C3orf20: variants seen among roughly 807,000 people sequenced by gnomAD.
C3orf20 encodes family with sequence similarity 149 member C, also known as uncharacterized protein C3orf20.
In C3orf20, 76 loss-of-function variants were observed where a neutral mutation model predicts 88.3. That is an observed-to-expected ratio of 0.86 (90% confidence interval 0.72 to 1.04). The LOEUF (loss-of-function observed/expected upper bound fraction) is 1.04. Among genes scored for constraint, C3orf20 ranks in the 50% least tolerant of loss-of-function variants. C3orf20 has a pLI of 0.00. For missense variants in C3orf20, 1,056 were observed against 1,123.3 expected (o/e 0.94, Z 0.86); for synonymous variants, 436 against 437.4 (o/e 1.00, Z 0.04).
chr3:14,759,883 C>T lies in C3orf20; in HGVS notation c.2245-8C>T. ...GGGTGACCAGTTCTCATATTTCTCT[C>T]CTGGTAGTGCCGGTATGACTCCTAC... On this transcript the variant is annotated splice_polypyrimidine_tract_variant and splice_region_variant and intron_variant, in intron 13 of 16. Transcript: ENST00000253697. 1 of 1,609,246 alleles carries T rather than the reference C, an allele frequency of 6.2e-7. No individual in the cohort carries two copies. Among genetic ancestry groups the T allele is most frequent in the Non-Finnish European group, 8.5e-7 (1 of 1,175,586 alleles).
chr3:14,687,064 C>T (rs972078538), intron 4 of C3orf20, among the ~76,000 whole-genome samples: 9 of 152,148 alleles, frequency 5.9e-5, no homozygotes, highest in African/African-American at 1.2e-4. Flanking sequence ...CAGCACTAGC[C>T]GCCTGCCGCA....
intron 12 of C3orf20, among the ~76,000 whole-genome samples, chr3:14,750,457 A>G (rs1559439414): frequency 1.3e-5 from 2 of 152,028 alleles, no homozygotes; most frequent in Non-Finnish European, 2.9e-5. Context: ...TCAGGAGGCT[A>G]AGATGGGAGA....
At chr3:14,747,805 G>A (rs1424050837) in intron 12 of C3orf20, among the ~76,000 whole-genome samples, 2 of 151,808 alleles carry the variant, frequency 1.3e-5, no homozygotes, top group Non-Finnish European at 2.9e-5. Context: ...AAATGTTGAG[G>A]CTAGGAAGAC....
chr3:14,686,297 A>C (rs771757029), intron 4 of C3orf20, among the ~76,000 whole-genome samples: 1 of 152,176 alleles, frequency 6.6e-6, no homozygotes, highest in African/African-American at 2.4e-5. Context: ...CAATGAGCAT[A>C]GGAGCGTAGA....
intron 7 of C3orf20, among the ~76,000 whole-genome samples, chr3:14,705,987 G>A (rs994313995): frequency 6.6e-6 from 1 of 152,122 alleles, no homozygotes; most frequent in Non-Finnish European, 1.5e-5. Flanking sequence ...GCAGGGTAGA[G>A]GGAGATGGAA....
At chr3:14,725,098 A>G (rs151012945) in intron 10 of C3orf20, among the ~76,000 whole-genome samples, 6 of 152,372 alleles carry the variant, frequency 3.9e-5, no homozygotes, top group African/African-American at 1.2e-4. Context: ...TGTACTATGT[A>G]TGACAACATT....
intron 5 of C3orf20, among the ~76,000 whole-genome samples, chr3:14,696,473 C>G (rs2033008987): frequency 6.6e-6 from 1 of 151,486 alleles, no homozygotes; most frequent in South Asian, 2.1e-4. Flanking sequence ...TGACTGCAAC[C>G]TCTTTCTACT....
intron 15 of C3orf20, among the ~76,000 whole-genome samples, chr3:14,762,640 T>C (rs2035594608): frequency 6.6e-6 from 1 of 152,194 alleles, no homozygotes; most frequent in Non-Finnish European, 1.5e-5. Flanking sequence ...GAGGATCTCA[T>C]GAAAGTGTGT....
At position 14,772,734 on chromosome 3, in the gene C3orf20, TCTGGGCA is replaced by T. The variant is rs1311713134; in HGVS notation, c.2631-53_2631-47del. 19 of 1,444,600 alleles carry T rather than the reference TCTGGGCA, an allele frequency of 1.3e-5. No homozygotes were observed. The highest frequency in any genetic ancestry group is 1.7e-5 in the Non-Finnish European group (17 of 1,029,368). 89.5% of individuals were successfully genotyped at this position (1,444,600 alleles called of 1,614,324 possible). Reference sequence around the variant, plus strand: ...CCTCCTGGCCCAACCGGGCCTGGGCTCTGGGCACTGTGAAGAACAGCCCTTCCGCCTC... The same window carrying T: ...CCTCCTGGCCCAACCGGGCCTGGGCTCTGTGAAGAACAGCCCTTCCGCCTC... On this transcript the variant is annotated intron_variant, in intron 16 of 16. Transcript: ENST00000253697. The surrounding 1 kb of genome is among the most constrained non-coding windows in gnomAD (Gnocchi z 4.2).
chr3:14,752,437 C>T (rs1478161000), intron 12 of C3orf20, among the ~76,000 whole-genome samples: 1 of 152,120 alleles, frequency 6.6e-6, no homozygotes, highest in Non-Finnish European at 1.5e-5. Context: ...GTAAAGACTT[C>T]GTGACTAAAA....
At chr3:14,725,489 C>T (rs954386720) in intron 10 of C3orf20, among the ~76,000 whole-genome samples, 22 of 152,178 alleles carry the variant, frequency 1.4e-4, no homozygotes, top group African/African-American at 4.6e-4. Context: ...AGCGAGACAA[C>T]AGCCTCTGTT....
At chr3:14,751,053 C>G (rs1005252180) in intron 12 of C3orf20, among the ~76,000 whole-genome samples, 1 of 151,994 alleles carries the variant, frequency 6.6e-6, no homozygotes, top group African/African-American at 2.4e-5. Context: ...GTTTGCTGAC[C>G]CTTTCTTCTG....
chr3:14,689,943 A>C, intron 4 of C3orf20, 54 bp from the exon 5 acceptor site: 1 of 1,611,660 alleles, frequency 6.2e-7, no homozygotes, highest in Admixed American at 1.7e-5. Context: ...ATTTTTGGCT[A>C]ATAAAATTAA....
intron 8 of C3orf20, among the ~76,000 whole-genome samples, chr3:14,714,634 C>T (rs370025175): frequency 6.6e-6 from 1 of 152,124 alleles, no homozygotes. Flanking sequence ...GTCTTGCTCT[C>T]ACTCTGTCAC....
intron 14 of C3orf20, 66 bp downstream of exon 14, chr3:14,760,064 G>C: frequency 8.6e-7 from 1 of 1,158,138 alleles, no homozygotes; most frequent in Non-Finnish European, 1.3e-6. Flanking sequence ...TGCCCCTGCA[G>C]AATCACACAT....
chr3:14,771,366 T>C (rs938317523), intron 15 of C3orf20, among the ~76,000 whole-genome samples: 1 of 152,246 alleles, frequency 6.6e-6, no homozygotes, highest in Non-Finnish European at 1.5e-5. Context: ...CCAAACTGAG[T>C]GGCTGAAACA....
intron 12 of C3orf20, among the ~76,000 whole-genome samples, chr3:14,736,602 TG>T (rs1189394824): frequency 6.6e-6 from 1 of 151,196 alleles, no homozygotes; most frequent in Non-Finnish European, 1.5e-5. Flanking sequence ...TTTTTTTTTT[TG>T]TCACTCAGGC....
At chr3:14,762,684 G>C (rs997191819) in intron 15 of C3orf20, among the ~76,000 whole-genome samples, 2 of 152,342 alleles carry the variant, frequency 1.3e-5, no homozygotes, top group Admixed American at 1.3e-4. Context: ...TGAAGCAAAT[G>C]ATGGGGCATG....
At chr3:14,698,474 T>G (rs2033106305) in intron 5 of C3orf20, among the ~76,000 whole-genome samples, 8 of 152,246 alleles carry the variant, frequency 5.3e-5, no homozygotes, top group Admixed American at 5.2e-4. Context: ...CTAAGTCATG[T>G]CTGCATTAGG....
Sources: allele counts gnomAD v4.1 joint callset (sites outside exome capture counted in the v4.1 genomes callset), GRCh38; gene constraint gnomAD v4.1.1; non-coding constraint Gnocchi (gnomAD v3.1); transcripts MANE v1.5; gene names NCBI Gene and HGNC (gene_info 2026-07-23, HGNC 2026-07-21).